Variants in CAAP1 observed in about 807,000 individuals in gnomAD.
CAAP1 encodes conserved anti-apoptotic protein.
In CAAP1, 20 loss-of-function variants were observed where a neutral mutation model predicts 34.0. The observed-to-expected ratio is 0.59, with a 90% CI of 0.41 to 0.86. The LOEUF is 0.86. Ranked by LOEUF, CAAP1 falls within the 40% of genes least tolerant of loss-of-function variation. The pLI, the probability that CAAP1 is intolerant of heterozygous loss-of-function variation, is 0.00. For missense variants in CAAP1, 538 were observed against 450.5 expected (o/e 1.19, Z -1.76); for synonymous variants, 213 against 166.7 (o/e 1.28, Z -2.14).
chr9:26,865,599 C>T (rs1326879382), intron 4 of CAAP1, among the ~76,000 whole-genome samples: 1 of 152,164 alleles, frequency 6.6e-6, no homozygotes, highest in African/African-American at 2.4e-5. Context: ...CCCCAATACT[C>T]ATCAGTATAA....
intron 5 of CAAP1, among the ~76,000 whole-genome samples, chr9:26,843,837 C>A (rs12238317): frequency 0.13 from 19,513 of 152,032 alleles, 2,253 homozygotes; most frequent in East Asian, 0.68. Context: ...AAAAACCACC[C>A]CCATTCCAAA....
At chr9:26,884,685 T>C (rs918032687) in intron 4 of CAAP1, 125 bp downstream of exon 4, 1 of 750,248 alleles carries the variant, frequency 1.3e-6, no homozygotes, top group African/African-American at 1.8e-5. Context: ...GACAAATAAA[T>C]CTTTCTATAC....
At position 26,892,718 on chromosome 9, in the gene CAAP1, T is replaced by G. The variant is rs1312823674; in HGVS notation, c.-3A>C. The stretch of plus-strand genomic sequence containing the variant: ...CGGGAGGACTTTTTCCCCGTCATGA[T>G]CCCTCTGCTGCAACCATCGGAGGAA... On this transcript the variant is annotated 5_prime_UTR_variant, in exon 1 of 6. Transcript: ENST00000333916. 1.3e-6 allele frequency: 2 copies of G among 1,586,806 alleles called. No individual in the cohort carries two copies. Among genetic ancestry groups the G allele is most frequent in the Non-Finnish European group, 1.7e-6 (2 of 1,170,924 alleles).
At chr9:26,883,388 C>T (rs1448007369) in intron 4 of CAAP1, among the ~76,000 whole-genome samples, 1 of 152,156 alleles carries the variant, frequency 6.6e-6, no homozygotes, top group East Asian at 1.9e-4. Context: ...TTTCACCTTC[C>T]ACCATGATTG....
rs554971455 is a variant in CAAP1 at position 26,859,722 on chromosome 9, A to G, written c.739+1344T>C. 1.1e-4 allele frequency among the ~76,000 whole-genome samples: 16 copies of G among 152,290 alleles called. No homozygotes were observed. In the South Asian group the frequency reaches 3.3e-3, roughly 32 times the overall value. On this transcript the variant is annotated intron_variant, in intron 5 of 5. Transcript: ENST00000333916. ...AAATGTCAATTAAACTATGAATCTG[A>G]GTTTATGGCGGTGCTCAGAAGAAGT...
intron 4 of CAAP1, among the ~76,000 whole-genome samples, chr9:26,882,534 A>T (rs890913676): frequency 2.0e-5 from 3 of 152,224 alleles, no homozygotes; most frequent in Non-Finnish European, 4.4e-5. Context: ...TCCAGGCAGA[A>T]GTTAGCTGCA....
At chr9:26,846,448 A>G (rs866444850) in intron 5 of CAAP1, among the ~76,000 whole-genome samples, 183 of 149,558 alleles carry the variant, frequency 1.2e-3, no homozygotes, top group African/African-American at 4.0e-3. Context: ...AAGAAGAAGA[A>G]AAAAAAGAAA....
intron 4 of CAAP1, among the ~76,000 whole-genome samples, chr9:26,881,399 G>C (rs1013081729): frequency 6.6e-6 from 1 of 152,190 alleles, no homozygotes; most frequent in Admixed American, 6.5e-5. Flanking sequence ...ACATATTGTA[G>C]GAGCAACCTG....
chr9:26,870,404 C>A (rs934883875), intron 4 of CAAP1, among the ~76,000 whole-genome samples: 1 of 151,626 alleles, frequency 6.6e-6, no homozygotes, highest in African/African-American at 2.4e-5. Context: ...AATTTCTCTA[C>A]GTAGAGTTAA....
chr9:26,870,059 TA>T (rs4007473), intron 4 of CAAP1: 1 of 414,260 alleles, frequency 2.4e-6, no homozygotes, highest in Admixed American at 6.6e-5. Context: ...TTTTTTTTTT[TA>T]ACGCAGATGC....
At chr9:26,860,616 C>A (rs1822982001) in intron 5 of CAAP1, among the ~76,000 whole-genome samples, 1 of 152,070 alleles carries the variant, frequency 6.6e-6, no homozygotes, top group Admixed American at 6.6e-5. Flanking sequence ...CACGGTGAAA[C>A]CCTGTCTCTA....
In CAAP1 at chr9:26,861,726, C is replaced by A. The variant is rs529523638; in HGVS notation, c.666-587G>T. On this transcript the variant is annotated intron_variant, in intron 4 of 5. Coordinates refer to ENST00000333916, the MANE Select transcript of CAAP1 (RefSeq NM_024828.4). The stretch of plus-strand genomic sequence containing the variant: ...ATTATACCATCTTAATATTAATATA[C>A]TTTTCAGCAAAAAGGTCAAGAAATT... Among the ~76,000 whole-genome samples the A allele has an allele frequency of 3.3e-5, 5 of 152,232 alleles. No individual in the cohort carries two copies. The South Asian group carries it at 8.3e-4, about 25-fold the overall frequency.
intron 4 of CAAP1, among the ~76,000 whole-genome samples, chr9:26,880,887 G>A (rs1030969662): frequency 5.3e-5 from 8 of 152,180 alleles, no homozygotes; most frequent in Non-Finnish European, 1.2e-4. Context: ...TGTTGGCCAC[G>A]CTGGTCTCAA....
chr9:26,847,110 T>C (rs1271127186), intron 5 of CAAP1, among the ~76,000 whole-genome samples: 1 of 151,776 alleles, frequency 6.6e-6, no homozygotes, highest in East Asian at 1.9e-4. Context: ...AAAATATATC[T>C]TGGTCATTTT....
rs1822470481 is a variant in CAAP1 at position 26,841,172 on chromosome 9, T to C, written c.*1129A>G. On this transcript the variant is annotated 3_prime_UTR_variant, in exon 6 of 6. Transcript: ENST00000333916. ...CTTTTATATATAAGGAAAGTCCTCA[T>C]ACAGTATCAGTAGACCATGGCTTAT... is the stretch of plus-strand genomic sequence containing the variant. 6.6e-6 allele frequency: 1 copy of C among 152,198 alleles called. No individual in the cohort carries two copies. The highest frequency in any genetic ancestry group is 2.1e-4 in the South Asian group (1 of 4,836). 9.4% of individuals were successfully genotyped at this position (152,198 alleles called of 1,614,324 possible).
At position 26,842,310 on chromosome 9, in the gene CAAP1, C is replaced by A; in HGVS notation, c.1077G>T (p.Lys359Asn). 1 of 1,564,538 alleles carries A rather than the reference C, an allele frequency of 6.4e-7. No individual in the cohort carries two copies. The highest frequency in any genetic ancestry group is 8.6e-7 in the Non-Finnish European group (1 of 1,157,734). Residue 359 changes from lysine to asparagine, a missense_variant, in exon 6 of 6, where the codon AAG becomes AAT. Lys to Asn is a moderately conservative substitution (Grantham distance 94, BLOSUM62 0). Coordinates refer to ENST00000333916, the MANE Select transcript of CAAP1 (RefSeq NM_024828.4). ...KALMKAGDIK[K>N]PA Reference sequence around the variant, plus strand: ...AAATCAAGTTAAATACCTAGGCTGGCTTTTTTATATCACCAGCTTTCATTA... The same window carrying A: ...AAATCAAGTTAAATACCTAGGCTGGATTTTTTATATCACCAGCTTTCATTA...
intron 1 of CAAP1, among the ~76,000 whole-genome samples, chr9:26,891,681 G>A (rs757064821): frequency 4.6e-5 from 7 of 152,116 alleles, no homozygotes; most frequent in Non-Finnish European, 8.8e-5. Context: ...AACAATGCAG[G>A]TATTCAACAG....
chr9:26,892,168 A>G, intron 1 of CAAP1: 1 of 1,086,418 alleles, frequency 9.2e-7, no homozygotes, highest in South Asian at 1.7e-5. Flanking sequence ...AGGAGCCAAG[A>G]GTTTAAAAAA....
At chr9:26,879,228 T>C (rs560265365) in intron 4 of CAAP1, among the ~76,000 whole-genome samples, 1 of 152,356 alleles carries the variant, frequency 6.6e-6, no homozygotes, top group East Asian at 1.9e-4. Context: ...TGTTTATTTT[T>C]GTTGTTGCTT....
Sources: allele counts gnomAD v4.1 joint callset (sites outside exome capture counted in the v4.1 genomes callset), GRCh38; gene constraint gnomAD v4.1.1; transcripts MANE v1.5; gene names NCBI Gene and HGNC (gene_info 2026-07-23, HGNC 2026-07-21).